Variants in BNC2 observed in about 807,000 individuals in gnomAD.
BNC2 encodes the protein zinc finger protein basonuclin-2.
Under a neutral mutation model 76.3 loss-of-function variants are expected in BNC2, and 20 were observed. That is an observed-to-expected ratio of 0.26 (90% CI 0.18 to 0.38). The LOEUF is 0.38. Among genes scored for constraint, BNC2 ranks in the 10% least tolerant of loss-of-function variants. The probability of loss-of-function intolerance (pLI) is 1.00; values close to 1 mark genes in which losing one functional copy is unlikely to be tolerated. For synonymous variants in BNC2, 582 were observed against 514.8 expected (o/e 1.13, Z -1.77); for missense variants, 1,382 against 1,399.8 (o/e 0.99, Z 0.20).
intron 5 of BNC2, among the ~76,000 whole-genome samples, chr9:16,490,283 T>C (rs1822248122): frequency 6.6e-6 from 1 of 151,452 alleles, no homozygotes; most frequent in Non-Finnish European, 1.5e-5. Flanking sequence ...CAAGAGAAAA[T>C]GAGGAAGAAG....
At chr9:16,510,853 T>C (rs1210754842) in intron 5 of BNC2, among the ~76,000 whole-genome samples, 1 of 152,218 alleles carries the variant, frequency 6.6e-6, no homozygotes, top group Non-Finnish European at 1.5e-5. Context: ...TGGCTTCACT[T>C]TGTCTTTAAT....
intron 5 of BNC2, among the ~76,000 whole-genome samples, chr9:16,462,126 T>C (rs1156768719): frequency 6.6e-6 from 1 of 152,118 alleles, no homozygotes; most frequent in East Asian, 1.9e-4. Flanking sequence ...CCTCAGCCAC[T>C]CTCTCAGAAA....
At chr9:16,802,268 C>G (rs1229683036) in intron 1 of BNC2, among the ~76,000 whole-genome samples, 1 of 152,120 alleles carries the variant, frequency 6.6e-6, no homozygotes, top group African/African-American at 2.4e-5. Flanking sequence ...TTAGAGGGCT[C>G]CTTAGTAAAA....
At chr9:16,686,196 T>G (rs1418893987) in intron 3 of BNC2, among the ~76,000 whole-genome samples, 1 of 152,192 alleles carries the variant, frequency 6.6e-6, no homozygotes, top group South Asian at 2.1e-4. Context: ...TTTAAACATG[T>G]TATCTTTAAG....
intron 3 of BNC2, among the ~76,000 whole-genome samples, chr9:16,668,542 C>T (rs1822373813): frequency 6.6e-6 from 1 of 152,062 alleles, no homozygotes; most frequent in African/African-American, 2.4e-5. Context: ...AATTTTAAAC[C>T]CCTCTAAGCT....
chr9:16,572,361 A>G (rs1302744181), intron 4 of BNC2, among the ~76,000 whole-genome samples: 2 of 152,248 alleles, frequency 1.3e-5, no homozygotes, highest in African/African-American at 4.8e-5. Context: ...AAATGGGCAT[A>G]AAGACAAGGT....
intron 5 of BNC2, among the ~76,000 whole-genome samples, chr9:16,475,786 A>G (rs1687710382): frequency 6.6e-6 from 1 of 152,230 alleles, no homozygotes; most frequent in South Asian, 2.1e-4. Context: ...TGCCTACTGT[A>G]AAGGCAAGTG....
chr9:16,860,657 T>C (rs1819383447), intron 1 of BNC2, among the ~76,000 whole-genome samples: 1 of 152,160 alleles, frequency 6.6e-6, no homozygotes, highest in African/African-American at 2.4e-5. Flanking sequence ...TTAGATAGCA[T>C]ACCAAGGACA....
chr9:16,459,709 C>T (rs1288337740), intron 5 of BNC2, among the ~76,000 whole-genome samples: 2 of 152,098 alleles, frequency 1.3e-5, no homozygotes, highest in East Asian at 1.9e-4. Flanking sequence ...TTTTAGATCC[C>T]ACATTGGAGA....
At chr9:16,659,165 T>C (rs1011029913) in intron 3 of BNC2, among the ~76,000 whole-genome samples, 1 of 151,718 alleles carries the variant, frequency 6.6e-6, no homozygotes, top group African/African-American at 2.4e-5. Flanking sequence ...GGCATGTGAA[T>C]GCACACACGT....
chr9:16,703,037 G>A (rs555530513), intron 3 of BNC2, among the ~76,000 whole-genome samples: 10 of 152,196 alleles, frequency 6.6e-5, no homozygotes, highest in South Asian at 4.2e-4. Context: ...ACTTTTATGC[G>A]GAGAAGATTC....
intron 5 of BNC2, among the ~76,000 whole-genome samples, chr9:16,540,088 T>C (rs929089462): frequency 6.6e-6 from 1 of 151,364 alleles, no homozygotes; most frequent in African/African-American, 2.4e-5. Context: ...AAAATTAACA[T>C]GCATAGTAAA....
At chr9:16,837,709 A>G (rs759326809) in intron 1 of BNC2, among the ~76,000 whole-genome samples, 17 of 152,238 alleles carry the variant, frequency 1.1e-4, no homozygotes, top group Non-Finnish European at 2.4e-4. Flanking sequence ...CTGAAGGTAT[A>G]TAAGACAGGT....
intron 3 of BNC2, among the ~76,000 whole-genome samples, chr9:16,679,105 A>G (rs1822747382): frequency 6.6e-6 from 1 of 152,104 alleles, no homozygotes; most frequent in African/African-American, 2.4e-5. Context: ...TAATATTGCA[A>G]TCACAGCCAG....
intron 1 of BNC2, among the ~76,000 whole-genome samples, chr9:16,852,632 T>C (rs1002900883): frequency 6.6e-6 from 1 of 152,000 alleles, no homozygotes; most frequent in Admixed American, 6.6e-5. Flanking sequence ...AAAAATTAAA[T>C]ATACTTTCAA....
chr9:16,594,561 GA>G (rs1401579194), intron 3 of BNC2, among the ~76,000 whole-genome samples: 2 of 152,282 alleles, frequency 1.3e-5, no homozygotes, highest in Middle Eastern at 3.4e-3. Flanking sequence ...CAACAGGGGA[GA>G]AAAGTTGTTA....
intron 3 of BNC2, among the ~76,000 whole-genome samples, chr9:16,679,467 C>T (rs542041366): frequency 6.6e-6 from 1 of 152,342 alleles, no homozygotes; most frequent in South Asian, 2.1e-4. Context: ...TGCACACAGG[C>T]TGCTAGACAC....
intron 1 of BNC2, among the ~76,000 whole-genome samples, chr9:16,862,473 T>A (rs1322198194): frequency 6.6e-6 from 1 of 152,146 alleles, no homozygotes; most frequent in Non-Finnish European, 1.5e-5. Context: ...ACACAGGCTA[T>A]CAAAAGTAGG....
chr9:16,824,468 G>A (rs1200993610), intron 1 of BNC2, among the ~76,000 whole-genome samples: 1 of 152,180 alleles, frequency 6.6e-6, no homozygotes, highest in Non-Finnish European at 1.5e-5. Context: ...GGGAGGGAAA[G>A]GCACTTGCCT....
Sources: gnomAD v4.1 joint callset for allele counts (sites outside exome capture counted in the v4.1 genomes callset) on GRCh38, gnomAD v4.1.1 for gene constraint, MANE v1.5 for transcripts, NCBI Gene and HGNC (gene_info 2026-07-23, HGNC 2026-07-21) for gene names.